The following TSPEAR variants were observed in gnomAD, a reference collection of about 807,000 sequenced individuals.
TSPEAR encodes the protein thrombospondin type laminin G domain and EAR repeats.
In TSPEAR, 69 loss-of-function variants were observed where a neutral mutation model predicts 71.6. That is an observed-to-expected ratio of 0.96 (90% CI 0.79 to 1.18). The LOEUF (loss-of-function observed/expected upper bound fraction) is 1.18. Among genes scored for constraint, TSPEAR ranks in the 50% most tolerant of loss-of-function variants. The probability of loss-of-function intolerance (pLI) is 0.00; values close to 1 mark genes in which losing one functional copy is unlikely to be tolerated. For synonymous variants in TSPEAR, 402 were observed against 387.2 expected (o/e 1.04, Z -0.45); for missense variants, 971 against 894.9 (o/e 1.09, Z -1.09).
chr21:44,588,312 A>G (rs1457888601), intron 1 of TSPEAR, among the ~76,000 whole-genome samples: 6 of 152,248 alleles, frequency 3.9e-5, no homozygotes, highest in African/African-American at 1.4e-4. Flanking sequence ...AATGCAAATC[A>G]AAACCACAAT....
At chr21:44,689,740 T>TATATATATATATATA (rs1555949490) in intron 1 of TSPEAR, among the ~76,000 whole-genome samples, 100 of 125,036 alleles carry the variant, frequency 8.0e-4, no homozygotes, top group Non-Finnish European at 9.5e-4. Context: ...TATATATATA[T>TATATATATATATATA]TTTGGGGGGG....
At chr21:44,676,955 G>T in intron 1 of TSPEAR, 1 of 918,138 alleles carries the variant, frequency 1.1e-6, no homozygotes. Flanking sequence ...TCAGTAGAGA[G>T]CTTGTCAGCT....
At chr21:44,647,275 T>C (rs782076050) in intron 1 of TSPEAR, 11 of 1,601,932 alleles carry the variant, frequency 6.9e-6, no homozygotes, top group Non-Finnish European at 9.4e-6. Context: ...CCCGGCCTCC[T>C]GCGTGTCCCT....
At chr21:44,533,619 T>C in intron 3 of TSPEAR, 66 bp downstream of exon 3, 2 of 1,378,498 alleles carry the variant, frequency 1.5e-6, no homozygotes, top group Non-Finnish European at 2.0e-6. Context: ...CGAGCACGGC[T>C]GAAGGATGCC....
chr21:44,503,428 T>A (rs1343171210), intron 11 of TSPEAR, among the ~76,000 whole-genome samples: 1 of 102,738 alleles, frequency 9.7e-6, no homozygotes, highest in African/African-American at 3.8e-5. Context: ...TGGTGAGCCC[T>A]CGGGGGGAAG....
chr21:44,702,657 GC>G, intron 1 of TSPEAR: 1 of 1,576,010 alleles, frequency 6.3e-7, no homozygotes, highest in Non-Finnish European at 8.7e-7. Context: ...CCTGCTGCAT[GC>G]CCGTCCCCTC....
chr21:44,651,550 G>T (rs75896896), intron 1 of TSPEAR, among the ~76,000 whole-genome samples: 2,302 of 152,132 alleles, frequency 0.015, 62 homozygotes, highest in African/African-American at 0.052. Flanking sequence ...CGAGCCCTTG[G>T]TTCAGGGCTA....
chr21:44,574,886 C>G (rs115169164), intron 1 of TSPEAR: 3 of 1,613,696 alleles, frequency 1.9e-6, no homozygotes, highest in African/African-American at 2.7e-5. Flanking sequence ...GCTGCGTGCC[C>G]GTCCCTTCCT....
Position 44,509,350 on chromosome 21 carries a change from C to T in TSPEAR, c.1603G>A (p.Gly535Arg), listed in dbSNP as rs782747710. 25 of 1,613,680 alleles carry T rather than the reference C, an allele frequency of 1.5e-5. 1 individual carries two copies. The highest frequency in any genetic ancestry group is 4.5e-5 in the East Asian group (2 of 44,872). ...GCCACAGCGAGGAAGATCCTCTCCC[C>T]GATCTGGAAGACCTCCCAGTCTGCA... ...GAADWEVFQI[G>R]ERIFLAVANS... Residue 535 changes from glycine (G) to arginine (R), a missense_variant, in exon 10 of 12, where the codon GGG becomes AGG. Coordinates refer to ENST00000323084, the MANE Select transcript of TSPEAR (RefSeq NM_144991.3).
intron 1 of TSPEAR, among the ~76,000 whole-genome samples, chr21:44,633,754 T>G (rs1983385248): frequency 1.3e-5 from 2 of 152,236 alleles, no homozygotes; most frequent in Non-Finnish European, 2.9e-5. Flanking sequence ...TTCTTCAAGT[T>G]CTCTATTTCG....
intron 8 of TSPEAR, 138 bp from the exon 9 acceptor site, chr21:44,522,250 T>A (rs1447012715): frequency 1.3e-5 from 10 of 750,004 alleles, no homozygotes; most frequent in Non-Finnish European, 1.4e-5. Flanking sequence ...GCTGGGGACA[T>A]CCTTTCTTAC....
rs55846070 is a variant in TSPEAR at position 44,699,377 on chromosome 21, C to CAAA, written c.82+12053_82+12055dup. On this transcript the variant is annotated intron_variant, in intron 1 of 11. Coordinates refer to ENST00000323084, the MANE Select transcript of TSPEAR (RefSeq NM_144991.3). ...CCTGGGTGAGAGTGAGACACTGTCTCAAAAAAAAAAAAAAAAAAAAAGGGT... is the reference window on the plus strand; with the variant it reads ...CCTGGGTGAGAGTGAGACACTGTCTCAAAAAAAAAAAAAAAAAAAAAAAAGGGT... Among the ~76,000 whole-genome samples, 134 of 65,334 alleles carry CAAA rather than the reference C, an allele frequency of 2.1e-3. 4 individuals carry two copies. The highest frequency in any genetic ancestry group is 0.011 in the Middle Eastern group (1 of 92). 42.9% of individuals were successfully genotyped at this position (65,334 alleles called of 152,430 possible).
intron 2 of TSPEAR, among the ~76,000 whole-genome samples, chr21:44,548,842 C>G (rs1442738590): frequency 6.6e-6 from 1 of 152,156 alleles, no homozygotes; most frequent in African/African-American, 2.4e-5. Flanking sequence ...CACTCTGCAC[C>G]AGCAATGCCA....
intron 1 of TSPEAR, chr21:44,698,064 G>T (rs1041392957): frequency 2.8e-5 from 34 of 1,199,974 alleles, no homozygotes; most frequent in Non-Finnish European, 3.9e-5. Context: ...TCTCTTCCTT[G>T]GAGATGCGTG....
At chr21:44,663,208 G>A (rs1238567432) in intron 1 of TSPEAR, among the ~76,000 whole-genome samples, 5 of 151,180 alleles carry the variant, frequency 3.3e-5, no homozygotes, top group South Asian at 2.1e-4. Context: ...TAGCCAGACT[G>A]AGCGGTAAAA....
intron 2 of TSPEAR, among the ~76,000 whole-genome samples, chr21:44,566,365 G>A (rs2053703564): frequency 2.0e-5 from 3 of 151,980 alleles, no homozygotes; most frequent in African/African-American, 4.8e-5. Context: ...TGTAAACAAT[G>A]GAAAAGCATC....
At chr21:44,533,524 CGTGG>C (rs1466130449) in intron 3 of TSPEAR, among the ~76,000 whole-genome samples, 157 bp downstream of exon 3, 1 of 151,892 alleles carries the variant, frequency 6.6e-6, no homozygotes, top group South Asian at 2.1e-4. Flanking sequence ...GCTCCTGCCC[CGTGG>C]ATGGCTCCTG....
intron 1 of TSPEAR, chr21:44,646,987 G>C (rs782792758): frequency 1.2e-6 from 2 of 1,613,452 alleles, no homozygotes; most frequent in Admixed American, 3.3e-5. Context: ...CTGCCAGCCA[G>C]CTTGCTGCAC....
At chr21:44,688,692 G>A (rs1423384675) in intron 1 of TSPEAR, among the ~76,000 whole-genome samples, 2 of 152,074 alleles carry the variant, frequency 1.3e-5, no homozygotes, top group African/African-American at 4.8e-5. Context: ...CTGGGCAACA[G>A]AGCCAGACTC....
Sources: gnomAD v4.1 joint callset for allele counts (sites outside exome capture counted in the v4.1 genomes callset) on GRCh38, gnomAD v4.1.1 for gene constraint, MANE v1.5 for transcripts, NCBI Gene and HGNC (gene_info 2026-07-23, HGNC 2026-07-21) for gene names.